The following ARFGEF1 variants were observed in gnomAD, a reference collection of about 807,000 sequenced individuals.
ARFGEF1 encodes the protein ARF guanine nucleotide exchange factor 1, also known as brefeldin A-inhibited guanine nucleotide-exchange protein 1.
ARFGEF1 carries 42 observed loss-of-function variants against 231.0 expected under a neutral mutation model. That is an observed-to-expected ratio of 0.18 (90% CI 0.14 to 0.24). The LOEUF is 0.24. Ranked by LOEUF, ARFGEF1 falls within the 10% of genes least tolerant of loss-of-function variation. The pLI is 1.00. For missense variants in ARFGEF1, 1,345 were observed against 2,192.0 expected (o/e 0.61, Z 7.72); for synonymous variants, 710 against 732.3 (o/e 0.97, Z 0.49).
At chr8:67,195,302 T>C (rs1473214853), downstream of ARFGEF1, 13 of 857,666 alleles carry the variant, frequency 1.5e-5, no homozygotes, top group South Asian at 1.6e-4. Context: ...TTGTAATGAG[T>C]TGGACTACAA....
chr8:67,247,441 C>G (rs1223704666), intron 19 of ARFGEF1, among the ~76,000 whole-genome samples: 1 of 150,370 alleles, frequency 6.7e-6, no homozygotes, highest in Non-Finnish European at 1.5e-5. Flanking sequence ...TCAACATACA[C>G]AAATTAATCA....
At chr8:67,335,984 C>T (rs1332561218) in intron 1 of ARFGEF1, among the ~76,000 whole-genome samples, 2 of 152,118 alleles carry the variant, frequency 1.3e-5, no homozygotes, top group African/African-American at 4.8e-5. Flanking sequence ...CGCCTGACCT[C>T]ATGATCCACC....
At chr8:67,236,373 T>A (rs1324169648) in intron 22 of ARFGEF1, among the ~76,000 whole-genome samples, 798 of 27,526 alleles carry the variant, frequency 0.029, 32 homozygotes, top group Non-Finnish European at 0.032. Flanking sequence ...AAAATATATA[T>A]ATATATATAT....
Position 67,266,975 on chromosome 8 carries a change from G to A in ARFGEF1, c.1822C>T (p.Leu608=), listed in dbSNP as rs1450716550. The A allele has an allele frequency of 6.2e-7, 1 of 1,613,010 alleles. No individual in the cohort carries two copies. The highest frequency in any genetic ancestry group is 8.5e-7 in the Non-Finnish European group (1 of 1,179,564). ...LGMSNVQELS[L]RKKGLECLVS... The stretch of plus-strand genomic sequence containing the variant: ...AAGCATTCTAAACCTTTTTTCCTCA[G>A]GCTCAATTCCTACAAAGTAATTCAA... The change falls in exon 13 of 39, where the codon CTG becomes TTG. Residue 608 remains leucine, a synonymous_variant. Coordinates refer to ENST00000262215, the MANE Select transcript of ARFGEF1 (RefSeq NM_006421.5).
At chr8:67,329,717 C>G (rs967101067) in intron 1 of ARFGEF1, among the ~76,000 whole-genome samples, 3 of 151,444 alleles carry the variant, frequency 2.0e-5, no homozygotes, top group African/African-American at 7.3e-5. Flanking sequence ...CTATCTTAGA[C>G]AAAATATTTA....
At chr8:67,321,414 T>G (rs1446137870) in intron 1 of ARFGEF1, among the ~76,000 whole-genome samples, 2 of 152,176 alleles carry the variant, frequency 1.3e-5, no homozygotes, top group Non-Finnish European at 2.9e-5. Context: ...CGGGTGATCT[T>G]GGTGTATTTG....
chr8:67,298,223 A>G (rs1806324106), intron 4 of ARFGEF1, among the ~76,000 whole-genome samples: 2 of 152,196 alleles, frequency 1.3e-5, no homozygotes, highest in African/African-American at 2.4e-5. Flanking sequence ...ATATACACGT[A>G]AAAACAATTT....
intron 17 of ARFGEF1, among the ~76,000 whole-genome samples, chr8:67,256,271 C>A (rs1218341729): frequency 6.6e-6 from 1 of 152,150 alleles, no homozygotes; most frequent in Non-Finnish European, 1.5e-5. Context: ...AGAGGCAAAT[C>A]TTGAATTATT....
At chr8:67,296,359 TTACTG>T in intron 5 of ARFGEF1, 67 bp downstream of exon 5, 1 of 1,348,562 alleles carries the variant, frequency 7.4e-7, no homozygotes, top group Non-Finnish European at 1.0e-6. Flanking sequence ...TTCACTCTAA[TTACTG>T]TAAACTCCTT....
At chr8:67,329,588 A>T (rs563637676) in intron 1 of ARFGEF1, among the ~76,000 whole-genome samples, 21 of 150,834 alleles carry the variant, frequency 1.4e-4, no homozygotes, top group South Asian at 4.1e-4. Flanking sequence ...AGAATTTTTT[A>T]AAAAATGGAA....
At chr8:67,314,550 G>A (rs751474933) in intron 1 of ARFGEF1, among the ~76,000 whole-genome samples, 5 of 152,136 alleles carry the variant, frequency 3.3e-5, no homozygotes, top group South Asian at 2.1e-4. Context: ...CTTCTCCAGC[G>A]GGGGTGTGTG....
intron 17 of ARFGEF1, among the ~76,000 whole-genome samples, chr8:67,256,065 T>C (rs145090504): frequency 1.3e-5 from 2 of 152,306 alleles, no homozygotes; most frequent in African/African-American, 4.8e-5. Flanking sequence ...ACCAAACATA[T>C]GTAAACCCAG....
chr8:67,254,358 T>C (rs1335847139), intron 17 of ARFGEF1, among the ~76,000 whole-genome samples: 1 of 152,206 alleles, frequency 6.6e-6, no homozygotes, highest in South Asian at 2.1e-4. Context: ...TGAAGAGACA[T>C]TTATTTAATT....
In ARFGEF1 at chr8:67,313,494, TCC is replaced by T. The variant is rs1422010961; in HGVS notation, c.125-11030_125-11029del. 2.0e-5 allele frequency among the ~76,000 whole-genome samples: 3 copies of T among 152,136 alleles called. No homozygotes were observed. In the South Asian group the frequency reaches 6.2e-4, roughly 32 times the overall value. ...AGGGTGTTCCCTTGATGCAGTACTC[TCC>T]CCCTTTTCCCATGGATGTGGCTTCC... is the stretch of plus-strand genomic sequence containing the variant. On this transcript the variant is annotated intron_variant, in intron 1 of 38. Coordinates refer to ENST00000262215, the MANE Select transcript of ARFGEF1 (RefSeq NM_006421.5).
intron 34 of ARFGEF1, among the ~76,000 whole-genome samples, chr8:67,206,064 C>T (rs1036190491): frequency 1.3e-5 from 2 of 152,022 alleles, no homozygotes; most frequent in African/African-American, 2.4e-5. Context: ...GTAGTTGTGA[C>T]TGAAATTACC....
chr8:67,251,226 T>C, intron 19 of ARFGEF1, 73 bp downstream of exon 19: 2 of 1,379,044 alleles, frequency 1.5e-6, no homozygotes, highest in Non-Finnish European at 1.9e-6. Flanking sequence ...ATCGCTTCCT[T>C]AACTTAAAAA....
downstream of ARFGEF1, chr8:67,195,760 G>C (rs1837817868): frequency 1.7e-6 from 1 of 601,192 alleles, no homozygotes; most frequent in Non-Finnish European, 3.0e-6. Context: ...TAAATAAAAG[G>C]CCATGATTAT....
chr8:67,179,801 T>C, intron 5 of ARFGEF1: 1 of 1,152,192 alleles, frequency 8.7e-7, no homozygotes, highest in East Asian at 2.3e-5. Flanking sequence ...CTTCTTAGTA[T>C]AAATTTGTTG....
chr8:67,199,708 G>A (rs1195799689), intron 38 of ARFGEF1: 3 of 153,832 alleles, frequency 2.0e-5, no homozygotes, highest in Non-Finnish European at 4.3e-5. Flanking sequence ...GAGTAACAGA[G>A]GCTGGGATTT....
Sources: gnomAD v4.1 joint callset for allele counts (sites outside exome capture counted in the v4.1 genomes callset) on GRCh38, gnomAD v4.1.1 for gene constraint, MANE v1.5 for transcripts, NCBI Gene and HGNC (gene_info 2026-07-23, HGNC 2026-07-21) for gene names.